LARGE1: variants seen among roughly 807,000 people sequenced by gnomAD.
LARGE1 encodes the protein LARGE xylosyl- and glucuronyltransferase 1.
LARGE1 carries 43 observed loss-of-function variants against 87.6 expected under a neutral mutation model. The observed-to-expected ratio is 0.49, with a 90% CI of 0.38 to 0.63. The LOEUF (loss-of-function observed/expected upper bound fraction) is 0.63. Among genes scored for constraint, LARGE1 ranks in the 30% least tolerant of loss-of-function variants. The pLI is 0.00. For missense variants in LARGE1, 802 were observed against 1,000.2 expected, an observed-to-expected ratio of 0.80 and a Z score of 2.67; for synonymous variants, 434 against 394.6, an observed-to-expected ratio of 1.10 and a Z score of -1.18.
At chr22:33,491,811 A>C (rs578200788) in intron 6 of LARGE1, among the ~76,000 whole-genome samples, 2 of 152,322 alleles carry the variant, frequency 1.3e-5, no homozygotes, top group Non-Finnish European at 2.9e-5. Flanking sequence ...TAAAACTGTC[A>C]AACTCAAACA....
the LARGE1 span, among the ~76,000 whole-genome samples, chr22:33,072,907 C>T: frequency 6.6e-6 from 1 of 152,198 alleles, no homozygotes; most frequent in East Asian, 1.9e-4. Context: ...TATGAAACGC[C>T]AGGGCTGGCC....
rs73882334 is a variant in LARGE1, at chr22:33,884,887, G to A, written c.-83+35108C>T. Among the ~76,000 whole-genome samples the A allele has an allele frequency of 5.8e-3, 887 of 152,296 alleles. 7 individuals carry two copies. The highest frequency in any genetic ancestry group is 0.02 in the African/African-American group (818 of 41,562). ...GAGATGCTGCCAAGCACACAAAGGC[G>A]GAGTCACCCTGAGCCCATGATGGCA... On this transcript the variant is annotated intron_variant, in intron 1 of 14. Transcript: ENST00000397394.
At chr22:33,603,407 C>T (rs1005475676) in intron 5 of LARGE1, among the ~76,000 whole-genome samples, 6 of 152,186 alleles carry the variant, frequency 3.9e-5, no homozygotes, top group African/African-American at 1.4e-4. Context: ...TAGTGGGTAC[C>T]TACTATGCAC....
intron 7 of LARGE1, among the ~76,000 whole-genome samples, chr22:33,405,826 T>C (rs568723102): frequency 6.6e-6 from 1 of 152,218 alleles, no homozygotes; most frequent in African/African-American, 2.4e-5. Flanking sequence ...AATGGGCCCT[T>C]ACTACGTGTA....
chr22:33,455,511 G>C (rs1040009288), intron 6 of LARGE1, among the ~76,000 whole-genome samples: 1 of 152,120 alleles, frequency 6.6e-6, no homozygotes, highest in African/African-American at 2.4e-5. Context: ...CCAGCACTTT[G>C]GGAGGCCGAG....
intron 5 of LARGE1, among the ~76,000 whole-genome samples, chr22:33,592,040 G>C (rs1240863070): frequency 8.1e-6 from 1 of 124,200 alleles, no homozygotes; most frequent in African/African-American, 3.0e-5. Context: ...AGAAAAGAAA[G>C]GAAAAAAAGA....
chr22:33,142,272 T>A, the LARGE1 span, among the ~76,000 whole-genome samples: 1 of 152,140 alleles, frequency 6.6e-6, no homozygotes, highest in African/African-American at 2.4e-5. Context: ...GAAAGAAGCC[T>A]GTGCATGTGA....
At chr22:33,217,642 G>A (rs1256219330) in intron 11 of LARGE1, among the ~76,000 whole-genome samples, 3 of 152,176 alleles carry the variant, frequency 2.0e-5, no homozygotes, top group Non-Finnish European at 4.4e-5. Flanking sequence ...CAGGCTGATG[G>A]TTGCCTCTGG....
chr22:33,112,262 C>G, the LARGE1 span, among the ~76,000 whole-genome samples: 1 of 152,216 alleles, frequency 6.6e-6, no homozygotes, highest in South Asian at 2.1e-4. Flanking sequence ...GGCTGTGCCA[C>G]TTGCTATGGC....
At chr22:33,104,744 A>G in the LARGE1 span, among the ~76,000 whole-genome samples, 3 of 152,126 alleles carry the variant, frequency 2.0e-5, no homozygotes, top group Admixed American at 1.3e-4. Context: ...TCTTCTGCCT[A>G]TAACAACTTT....
intron 2 of LARGE1, among the ~76,000 whole-genome samples, chr22:33,678,802 G>A (rs1337857098): frequency 2.0e-5 from 3 of 152,172 alleles, no homozygotes; most frequent in African/African-American, 7.2e-5. Flanking sequence ...GCGCATCTGC[G>A]ACCGTTTTGC....
chr22:33,650,137 A>G (rs1602973510), intron 3 of LARGE1, among the ~76,000 whole-genome samples: 1 of 152,200 alleles, frequency 6.6e-6, no homozygotes, highest in South Asian at 2.1e-4. Context: ...ATATCTGTAG[A>G]TTACGCCTTC....
At chr22:33,653,378 T>C (rs996449491) in intron 2 of LARGE1, among the ~76,000 whole-genome samples, 3 of 152,206 alleles carry the variant, frequency 2.0e-5, no homozygotes, top group South Asian at 2.1e-4. Flanking sequence ...CCTGCATATA[T>C]GTGCTAAGTT....
chr22:33,759,465 C>A (rs149810962), intron 2 of LARGE1, among the ~76,000 whole-genome samples: 55 of 152,238 alleles, frequency 3.6e-4, no homozygotes, highest in African/African-American at 1.3e-3. Flanking sequence ...CTGCCTCATC[C>A]CCCCCATCTG....
intron 6 of LARGE1, among the ~76,000 whole-genome samples, chr22:33,469,169 T>A (rs1267600006): frequency 6.6e-6 from 1 of 152,174 alleles, no homozygotes. Context: ...AACCCAGCAA[T>A]CTCATTATTG....
At chr22:33,324,611 T>C (rs16992147) in intron 10 of LARGE1, among the ~76,000 whole-genome samples, 7,054 of 152,302 alleles carry the variant, frequency 0.046, 284 homozygotes, top group African/African-American at 0.12. Flanking sequence ...TTTGCATTTA[T>C]TTCTCCTCAT....
At chr22:33,649,217 C>G (rs77856614) in intron 3 of LARGE1, among the ~76,000 whole-genome samples, 1 of 152,198 alleles carries the variant, frequency 6.6e-6, no homozygotes, top group Admixed American at 6.5e-5. Context: ...TCCCTCACCA[C>G]TGAACTTCCA....
intron 1 of LARGE1, among the ~76,000 whole-genome samples, chr22:33,780,614 C>T (rs2085388990): frequency 6.6e-6 from 1 of 152,200 alleles, no homozygotes; most frequent in Admixed American, 6.5e-5. Flanking sequence ...TGAATTTCAG[C>T]ATCCAAATTA....
At chr22:33,835,643 TA>T (rs1480731107) in intron 1 of LARGE1, among the ~76,000 whole-genome samples, 2 of 152,352 alleles carry the variant, frequency 1.3e-5, no homozygotes, top group East Asian at 3.9e-4. Flanking sequence ...GGAAAGTCGT[TA>T]TAACGAAGAG....
Sources: gnomAD v4.1 joint callset for allele counts (sites outside exome capture counted in the v4.1 genomes callset) on GRCh38, gnomAD v4.1.1 for gene constraint, MANE v1.5 for transcripts, NCBI Gene and HGNC (gene_info 2026-07-23, HGNC 2026-07-21) for gene names.